Variants in RAPGEF6 observed in about 807,000 individuals in gnomAD.
The protein encoded by RAPGEF6 is Rap guanine nucleotide exchange factor 6, also known as PDZ domain containing guanine nucleotide exchange factor (GEF) 2.
RAPGEF6 carries 56 observed loss-of-function variants against 171.4 expected under a neutral mutation model. The observed-to-expected ratio is 0.33, with a 90% CI of 0.26 to 0.41. The LOEUF (loss-of-function observed/expected upper bound fraction) is 0.41. Ranked by LOEUF, RAPGEF6 falls within the 10% of genes least tolerant of loss-of-function variation. The pLI is 1.00. For missense variants in RAPGEF6, 1,674 were observed against 1,921.4 expected, an observed-to-expected ratio of 0.87 and a Z score of 2.41; for synonymous variants, 692 against 650.1, an observed-to-expected ratio of 1.06 and a Z score of -0.98.
intron 7 of RAPGEF6, among the ~76,000 whole-genome samples, chr5:131,514,807 T>G (rs978613902): frequency 6.6e-6 from 1 of 152,156 alleles, no homozygotes; most frequent in Non-Finnish European, 1.5e-5. Flanking sequence ...ACACTCCGTA[T>G]TCGTGAAGGT....
chr5:131,471,495 C>T (rs1209780557), intron 17 of RAPGEF6, among the ~76,000 whole-genome samples: 1 of 152,108 alleles, frequency 6.6e-6, no homozygotes, highest in Non-Finnish European at 1.5e-5. Flanking sequence ...CTGCTAGGAA[C>T]TTTAGAGTCA....
chr5:131,592,397 G>C lies in RAPGEF6; in HGVS notation c.267C>G (p.Val89=). Reference sequence around the variant, plus strand: ...TGTAAACGTACCTGCAAGGAGGCAAGACCATGGAGCCTTTCACAAGCACAG... The same window carrying C: ...TGTAAACGTACCTGCAAGGAGGCAACACCATGGAGCCTTTCACAAGCACAG... ...SGSVLVKGSM[V]LPPCSFGKQF... The change falls in exon 4 of 28, where the codon GTC becomes GTG. Residue 89 remains valine (V), a synonymous_variant. Transcript: ENST00000509018. 1.9e-6 allele frequency: 3 copies of C among 1,613,864 alleles called. No homozygotes were observed. The highest frequency in any genetic ancestry group is 2.5e-6 in the Non-Finnish European group (3 of 1,179,828).
chr5:131,448,988 A>T (rs912918717), intron 21 of RAPGEF6, among the ~76,000 whole-genome samples: 1 of 152,196 alleles, frequency 6.6e-6, no homozygotes, highest in African/African-American at 2.4e-5. Flanking sequence ...CAAGTTCACC[A>T]AGCATTAACA....
intron 23 of RAPGEF6, chr5:131,440,236 A>G (rs1426751950): frequency 4.4e-6 from 2 of 456,366 alleles, no homozygotes; most frequent in Admixed American, 2.3e-5. Flanking sequence ...ACACTACAGG[A>G]GAGAAGTAAA....
rs146984923 is a variant in RAPGEF6 at position 131,452,090 on chromosome 5, G to A, written c.3200+964C>T. 6.7e-3 allele frequency among the ~76,000 whole-genome samples: 1,024 copies of A among 152,212 alleles called. 10 individuals are homozygous for A. Among genetic ancestry groups the A allele is most frequent in the Non-Finnish European group, 0.011 (749 of 67,990 alleles). Reference sequence around the variant, plus strand: ...AAAAAATTAGCCGGGCGTAGTGGCAGGCGCCTGTTGTTCCAGCTACTCAGG... The same window carrying A: ...AAAAAATTAGCCGGGCGTAGTGGCAAGCGCCTGTTGTTCCAGCTACTCAGG... On this transcript the variant is annotated intron_variant, in intron 21 of 27. Coordinates refer to ENST00000509018, the MANE Select transcript of RAPGEF6 (RefSeq NM_016340.6).
Position 131,529,473 on chromosome 5 carries a change from C to CAA in RAPGEF6, c.496-7954_496-7953dup, listed in dbSNP as rs57223880. Among the ~76,000 whole-genome samples the CAA allele has an allele frequency of 6.6e-3, 945 of 142,552 alleles. 13 individuals are homozygous for CAA. The highest frequency in any genetic ancestry group is 0.019 in the African/African-American group (745 of 38,274). The allele number at this position is 142,552 out of a possible 152,430, so 93.5% of individuals were successfully genotyped here. On this transcript the variant is annotated intron_variant, in intron 6 of 27. Transcript: ENST00000509018. ...CCTGGGCGACAGAGCGAGACTCTGT[C>CAA]AAAAAAAAAAAATAATAATCTCACA...
intron 6 of RAPGEF6, among the ~76,000 whole-genome samples, chr5:131,541,584 T>C (rs1292575999): frequency 1.3e-5 from 2 of 152,104 alleles, no homozygotes; most frequent in Admixed American, 6.6e-5. Context: ...TTCAAACTCC[T>C]GGCTTCAGGT....
intron 6 of RAPGEF6, among the ~76,000 whole-genome samples, chr5:131,530,269 C>T (rs1414860591): frequency 6.6e-6 from 1 of 151,420 alleles, no homozygotes; most frequent in Non-Finnish European, 1.5e-5. Context: ...AGTGTAGTAA[C>T]TTTTTCAAAC....
At chr5:131,522,408 T>C (rs575306146) in intron 6 of RAPGEF6, among the ~76,000 whole-genome samples, 1 of 152,290 alleles carries the variant, frequency 6.6e-6, no homozygotes, top group South Asian at 2.1e-4. Flanking sequence ...GCTATCAAAA[T>C]CAATTTAATT....
chr5:131,592,635 C>T lies in RAPGEF6; in HGVS notation c.198-169G>A, dbSNP rs1050631865. Among the ~76,000 whole-genome samples the T allele has an allele frequency of 1.3e-4, 20 of 152,196 alleles. No individual in the cohort carries two copies. In the East Asian group the frequency reaches 2.9e-3, roughly 22 times the overall value. ...GTTGCCTAAGGTTTTATACAGACCA[C>T]GTTTATGTGAAATAAAAGTATAATC... is the stretch of plus-strand genomic sequence containing the variant. On this transcript the variant is annotated intron_variant, in intron 3 of 27. Transcript: ENST00000509018.
chr5:131,450,824 T>G (rs1326584234), intron 21 of RAPGEF6, among the ~76,000 whole-genome samples: 1 of 152,216 alleles, frequency 6.6e-6, no homozygotes, highest in African/African-American at 2.4e-5. Context: ...TTTTTTATTT[T>G]CCCCCAATAC....
chr5:131,469,807 A>C (rs1561489099), intron 17 of RAPGEF6: 2 of 1,522,472 alleles, frequency 1.3e-6, no homozygotes, highest in Middle Eastern at 1.7e-4. Context: ...TTACAATAAA[A>C]ACCAACAGCT....
intron 4 of RAPGEF6, among the ~76,000 whole-genome samples, chr5:131,576,880 A>G (rs536162295): frequency 2.0e-5 from 3 of 152,080 alleles, no homozygotes; most frequent in Non-Finnish European, 2.9e-5. Flanking sequence ...TTTCTTTTCC[A>G]TCATGGAAAT....
chr5:131,625,256 C>T (rs1331435910), intron 1 of RAPGEF6, among the ~76,000 whole-genome samples: 1 of 151,974 alleles, frequency 6.6e-6, no homozygotes, highest in East Asian at 1.9e-4. Context: ...GAGAGAAACT[C>T]CGTCTCAAAA....
chr5:131,615,762 C>T (rs1765225933), intron 1 of RAPGEF6, among the ~76,000 whole-genome samples: 1 of 152,050 alleles, frequency 6.6e-6, no homozygotes, highest in Admixed American at 6.6e-5. Flanking sequence ...ATTAGCTGGG[C>T]ATGGTGGCGC....
At chr5:131,467,636 A>G (rs1213906117) in intron 17 of RAPGEF6, among the ~76,000 whole-genome samples, 3 of 152,270 alleles carry the variant, frequency 2.0e-5, no homozygotes, top group Non-Finnish European at 4.4e-5. Flanking sequence ...ATAAAGTTGA[A>G]TCAAAAGGGA....
In RAPGEF6 at chr5:131,520,013, T is replaced by C. The variant is rs942469844; in HGVS notation, c.627+1377A>G. ...ACAGGGAAAAATTCCTTGTTCTGTA[T>C]ACTGTAAAAAGCAAACAGGGAGATA... On this transcript the variant is annotated intron_variant, in intron 7 of 27. Coordinates refer to ENST00000509018, the MANE Select transcript of RAPGEF6 (RefSeq NM_016340.6). 5.3e-5 allele frequency among the ~76,000 whole-genome samples: 8 copies of C among 152,308 alleles called. No individual in the cohort carries two copies. The East Asian group carries it at 1.2e-3, about 22-fold the overall frequency.
chr5:131,630,744 C>G (rs960443123), intron 1 of RAPGEF6, among the ~76,000 whole-genome samples: 3 of 152,154 alleles, frequency 2.0e-5, no homozygotes, highest in Admixed American at 2.0e-4. Flanking sequence ...CTAAGGACGA[C>G]AGATGGTTCA....
chr5:131,505,264 C>G, intron 10 of RAPGEF6, 100 bp downstream of exon 10: 2 of 1,228,390 alleles, frequency 1.6e-6, no homozygotes, highest in African/African-American at 1.5e-5. Context: ...ATTGAAACTC[C>G]TAATTCTCAA....
Sources: allele counts gnomAD v4.1 joint callset (sites outside exome capture counted in the v4.1 genomes callset), GRCh38; gene constraint gnomAD v4.1.1; transcripts MANE v1.5; gene names NCBI Gene and HGNC (gene_info 2026-07-23, HGNC 2026-07-21).